CDH12: variants seen among roughly 807,000 people sequenced by gnomAD.
CDH12 encodes cadherin-12.
In CDH12, 41 loss-of-function variants were observed where a neutral mutation model predicts 74.1. The ratio of observed to expected loss-of-function variants is 0.55; its 90% confidence interval spans 0.43 to 0.72. The LOEUF is 0.72. CDH12 is among the 30% of genes least tolerant of loss of function. The probability of loss-of-function intolerance (pLI) is 0.00; values close to 1 mark genes in which losing one functional copy is unlikely to be tolerated. For missense variants in CDH12, 945 were observed against 977.2 expected, an observed-to-expected ratio of 0.97 and a Z score of 0.44; for synonymous variants, 399 against 355.0, an observed-to-expected ratio of 1.12 and a Z score of -1.39.
chr5:22,235,814 C>T (rs1199599751), intron 3 of CDH12, among the ~76,000 whole-genome samples: 4 of 152,098 alleles, frequency 2.6e-5, no homozygotes, highest in Non-Finnish European at 5.9e-5. Context: ...GGGATATGTT[C>T]TGAGAACTTC....
chr5:22,243,880 C>T (rs1437419294), intron 3 of CDH12, among the ~76,000 whole-genome samples: 1 of 152,136 alleles, frequency 6.6e-6, no homozygotes, highest in Non-Finnish European at 1.5e-5. Context: ...CAAGAACGAA[C>T]ACATATTTAT....
At chr5:22,699,478 G>C (rs937974361) in intron 1 of CDH12, among the ~76,000 whole-genome samples, 2 of 151,500 alleles carry the variant, frequency 1.3e-5, no homozygotes, top group Non-Finnish European at 2.9e-5. Flanking sequence ...GTGAACATTA[G>C]CATCGAAATA....
At chr5:22,074,178 T>C (rs1742144058) in intron 5 of CDH12, among the ~76,000 whole-genome samples, 1 of 152,152 alleles carries the variant, frequency 6.6e-6, no homozygotes, top group African/African-American at 2.4e-5. Context: ...AACTATCTGA[T>C]CTTTGACAAA....
chr5:22,732,138 G>A (rs1744457651), intron 1 of CDH12, among the ~76,000 whole-genome samples: 2 of 151,740 alleles, frequency 1.3e-5, no homozygotes, highest in South Asian at 4.1e-4. Flanking sequence ...AGAAGTCTGA[G>A]GTCAACATAT....
chr5:21,956,671 T>A (rs1265145301), intron 6 of CDH12, among the ~76,000 whole-genome samples: 4 of 152,158 alleles, frequency 2.6e-5, no homozygotes, highest in Non-Finnish European at 5.9e-5. Context: ...CTGTTACTTC[T>A]ATTTTCTTAG....
chr5:22,465,064 A>AAG lies in CDH12; in HGVS notation c.-428+40204_-428+40205dup, dbSNP rs770234306. ...GGGAAGGGAGGAAGGGAGGGGGGGAAAGAGAGAGAGAGAGAACTCTGATTT... is the reference window on the plus strand; with the variant it reads ...GGGAAGGGAGGAAGGGAGGGGGGGAAAGAGAGAGAGAGAGAGAACTCTGATTT... On this transcript the variant is annotated intron_variant, in intron 2 of 14. Transcript: ENST00000382254. Among the ~76,000 whole-genome samples, 14 of 134,656 alleles carry AAG rather than the reference A, an allele frequency of 1.0e-4. No individual in the cohort carries two copies. In the South Asian group the frequency reaches 1.6e-3, roughly 15 times the overall value. 88.3% of individuals were successfully genotyped at this position (134,656 alleles called of 152,430 possible).
chr5:22,119,246 GAACAGTGT>G (rs1282755033), intron 4 of CDH12, among the ~76,000 whole-genome samples: 1 of 148,018 alleles, frequency 6.8e-6, no homozygotes, highest in African/African-American at 2.5e-5. Flanking sequence ...TATTGCTAAA[GAACAGTGT>G]AACATTGGAC....
chr5:22,557,624 A>T (rs948090817), intron 1 of CDH12, among the ~76,000 whole-genome samples: 2 of 152,096 alleles, frequency 1.3e-5, no homozygotes, highest in East Asian at 3.9e-4. Flanking sequence ...AGCTTAAGTC[A>T]GGTTGCCATC....
At chr5:21,781,422 C>T (rs1357695626) in intron 11 of CDH12, among the ~76,000 whole-genome samples, 1 of 152,000 alleles carries the variant, frequency 6.6e-6, no homozygotes, top group Admixed American at 6.6e-5. Flanking sequence ...CCATTTTAGC[C>T]CTAAAAACAG....
At chr5:22,451,306 C>CACATTAAATT (rs1229407291) in intron 2 of CDH12, among the ~76,000 whole-genome samples, 1 of 151,718 alleles carries the variant, frequency 6.6e-6, no homozygotes, top group East Asian at 1.9e-4. Context: ...TTAAAACAAG[C>CACATTAAATT]ACATTAAATT....
intron 5 of CDH12, among the ~76,000 whole-genome samples, chr5:22,008,581 C>T (rs1737104580): frequency 6.6e-6 from 1 of 152,154 alleles, no homozygotes; most frequent in African/African-American, 2.4e-5. Context: ...GTTTCACAGC[C>T]ACTTGAGGTT....
rs527550233 is a variant in CDH12 at position 22,206,010 on chromosome 5, A to G, written c.-187+6488T>C. 4.0e-4 allele frequency among the ~76,000 whole-genome samples: 61 copies of G among 152,032 alleles called. 1 individual carries two copies. The highest frequency in any genetic ancestry group is 1.4e-3 in the African/African-American group (58 of 41,508). On this transcript the variant is annotated intron_variant, in intron 4 of 14. Transcript: ENST00000382254. ...ATATTATATATTAAATATAATATAC[A>G]TATTTCTCAATTTTGACCTGGTTCA...
At chr5:22,820,116 A>T (rs187854178) in intron 1 of CDH12, among the ~76,000 whole-genome samples, 1 of 150,882 alleles carries the variant, frequency 6.6e-6, no homozygotes, top group African/African-American at 2.4e-5. Context: ...AAATTTCATT[A>T]AAAAAATTAC....
chr5:22,611,755 C>A (rs1280335422), intron 1 of CDH12, among the ~76,000 whole-genome samples: 1 of 152,090 alleles, frequency 6.6e-6, no homozygotes, highest in Non-Finnish European at 1.5e-5. Context: ...TGGCTGAACC[C>A]AGAATCTAAT....
In CDH12 at chr5:21,842,280, T is replaced by C. The variant is rs1362437249; in HGVS notation, c.695A>G (p.Gln232Arg). 2 of 1,613,160 alleles carry C rather than the reference T, an allele frequency of 1.2e-6. No individual in the cohort carries two copies. Among genetic ancestry groups the C allele is most frequent in the Middle Eastern group, 1.7e-4 (1 of 6,052 alleles). ...LPNMDREVKE[Q>R]YQVLIQAKDM... ...CTTGGCTTGGATGAGTACTTGATATTGTTCTTTGACTTCTCTGTCCATGTT... is the reference window on the plus strand; with the variant it reads ...CTTGGCTTGGATGAGTACTTGATATCGTTCTTTGACTTCTCTGTCCATGTT... The change falls in exon 8 of 15, where the codon CAA (glutamine) becomes CGA (arginine). Residue 232 changes from glutamine (Q) to arginine (R), a missense_variant. Transcript: ENST00000382254.
At chr5:22,387,645 A>T (rs974909521) in intron 3 of CDH12, among the ~76,000 whole-genome samples, 3 of 152,178 alleles carry the variant, frequency 2.0e-5, no homozygotes, top group African/African-American at 7.2e-5. Flanking sequence ...GCCTCAGAAT[A>T]GCACTGGATT....
At chr5:21,994,584 C>T (rs190692635) in intron 5 of CDH12, among the ~76,000 whole-genome samples, 3 of 152,234 alleles carry the variant, frequency 2.0e-5, no homozygotes, top group African/African-American at 7.2e-5. Flanking sequence ...CAGAGGTAAC[C>T]TGGGAAGAGA....
At chr5:21,913,901 C>G (rs1407439300) in intron 6 of CDH12, among the ~76,000 whole-genome samples, 1 of 152,090 alleles carries the variant, frequency 6.6e-6, no homozygotes, top group African/African-American at 2.4e-5. Flanking sequence ...CCAGACTGGT[C>G]TCAAACTCCT....
chr5:21,920,722 G>C (rs982265723), intron 6 of CDH12, among the ~76,000 whole-genome samples: 1 of 136,534 alleles, frequency 7.3e-6, no homozygotes, highest in Non-Finnish European at 1.6e-5. Flanking sequence ...TTTGTGACTT[G>C]GCTTAAGAAA....
Sources: gnomAD v4.1 joint callset for allele counts (sites outside exome capture counted in the v4.1 genomes callset) on GRCh38, gnomAD v4.1.1 for gene constraint, MANE v1.5 for transcripts, NCBI Gene and HGNC (gene_info 2026-07-23, HGNC 2026-07-21) for gene names.